The following RAPH1 variants were observed in gnomAD, a reference collection of about 807,000 sequenced individuals.
RAPH1 encodes the protein ras-associated and pleckstrin homology domains-containing protein 1.
A neutral mutation model predicts 88.1 loss-of-function variants in RAPH1; 18 were observed. The observed-to-expected ratio is 0.20, with a 90% confidence interval of 0.14 to 0.30. The LOEUF is 0.30. Among genes scored for constraint, RAPH1 ranks in the 10% least tolerant of loss-of-function variants. The pLI is 1.00. For missense variants in RAPH1, 1,448 were observed against 1,543.2 expected (o/e 0.94, Z 1.03); for synonymous variants, 587 against 559.0 (o/e 1.05, Z -0.71).
intron 1 of RAPH1, among the ~76,000 whole-genome samples, chr2:203,509,636 G>C (rs541981179): frequency 2.6e-5 from 4 of 152,234 alleles, no homozygotes; most frequent in Admixed American, 2.0e-4. Flanking sequence ...ATCCAGATAG[G>C]AGGTATTACT....
intron 10 of RAPH1, among the ~76,000 whole-genome samples, chr2:203,451,243 G>GT (rs1314361775): frequency 6.6e-6 from 1 of 152,140 alleles, no homozygotes; most frequent in Non-Finnish European, 1.5e-5. Flanking sequence ...TAGACACTAT[G>GT]TAAAATATTT....
At chr2:203,531,079 T>A (rs927692395) in intron 1 of RAPH1, among the ~76,000 whole-genome samples, 17 of 151,906 alleles carry the variant, frequency 1.1e-4, no homozygotes, top group African/African-American at 4.1e-4. Flanking sequence ...CAAAAATTAA[T>A]CCCAAATGGA....
At chr2:203,442,581 A>G (rs562536946) in intron 13 of RAPH1, 1 of 152,662 alleles carries the variant, frequency 6.6e-6, no homozygotes, top group South Asian at 2.1e-4. Context: ...ATGTGTTTCC[A>G]GAGAACAACC....
intron 4 of RAPH1, among the ~76,000 whole-genome samples, chr2:203,469,310 A>T (rs2098531156): frequency 6.6e-6 from 1 of 152,222 alleles, no homozygotes; most frequent in Non-Finnish European, 1.5e-5. Context: ...AATTTCTACC[A>T]CCAGTCATAG....
At chr2:203,510,602 C>A (rs1217326892) in intron 1 of RAPH1, among the ~76,000 whole-genome samples, 3 of 152,114 alleles carry the variant, frequency 2.0e-5, no homozygotes, top group African/African-American at 7.2e-5. Context: ...ACTCAAATAC[C>A]TGCAGGGGTC....
chr2:203,529,520 C>T (rs1481562935), intron 1 of RAPH1, among the ~76,000 whole-genome samples: 2 of 152,094 alleles, frequency 1.3e-5, no homozygotes, highest in Admixed American at 6.6e-5. Flanking sequence ...CGCCACCACG[C>T]CCGACTAATT....
intron 9 of RAPH1, 114 bp from the exon 10 acceptor site, chr2:203,454,654 A>C: frequency 1.5e-6 from 1 of 658,810 alleles, no homozygotes; most frequent in Non-Finnish European, 2.6e-6. Context: ...TACTAAATAG[A>C]AATTATTGCT....
At chr2:203,534,386 A>G (rs1690516651) in intron 1 of RAPH1, among the ~76,000 whole-genome samples, 1 of 151,926 alleles carries the variant, frequency 6.6e-6, no homozygotes, top group African/African-American at 2.4e-5. Context: ...AATAAGGTTT[A>G]TGCGGTTTCC....
At chr2:203,522,456 G>A (rs925113241) in intron 1 of RAPH1, among the ~76,000 whole-genome samples, 5 of 152,184 alleles carry the variant, frequency 3.3e-5, no homozygotes, top group African/African-American at 4.8e-5. Flanking sequence ...TAGATTAGAA[G>A]ATGCAATATT....
Position 203,439,988 on chromosome 2 carries a change from G to A in RAPH1, c.3202C>T (p.Pro1068Ser), listed in dbSNP as rs2098501910. ...GGGGGTGGAAAATCAGAATCGGATG[G>A]AGGAGAAGGAAATTCCACCACGGAG... Reference protein sequence around the residue: ...KDSVVEFPSPPSDSDFPPPPP... With the variant: ...KDSVVEFPSPSSDSDFPPPPP... The change falls in exon 14 of 14, where the codon CCA (proline) becomes TCA (serine). Residue 1068 changes from proline (P) to serine (S), a missense_variant. By Grantham distance (74) the Pro-to-Ser change is moderately conservative. Transcript: ENST00000319170. 1 of 1,613,716 alleles carries A rather than the reference G, an allele frequency of 6.2e-7. No individual in the cohort carries two copies. The highest frequency in any genetic ancestry group is 8.5e-7 in the Non-Finnish European group (1 of 1,179,936).
intron 1 of RAPH1, among the ~76,000 whole-genome samples, chr2:203,505,641 T>C (rs906758582): frequency 7.2e-5 from 11 of 152,178 alleles, no homozygotes; most frequent in African/African-American, 2.4e-4. Context: ...CAATATGCCA[T>C]AAAGCATTAT....
Position 203,459,910 on chromosome 2 carries a change from T to C in RAPH1, c.1089A>G (p.Pro363=). The C allele has an allele frequency of 1.2e-6, 2 of 1,612,702 alleles. No homozygotes were observed. The highest frequency in any genetic ancestry group is 1.7e-6 in the Non-Finnish European group (2 of 1,179,484). ...TCTGTAAGTTGTTTGGTCTTACCTG[T>C]GGGTTTTTGAAAAGTGCATATTTTT... ...RIEKYALFKN[P]QNYLLGKKET... The change falls in exon 7 of 14, where the codon CCA becomes CCG. Residue 363 remains proline (P), a synonymous_variant. Transcript: ENST00000319170.
rs567134512 is a variant in RAPH1 at position 203,439,908 on chromosome 2, C to T, written c.3282G>A (p.Ser1094=). ...CTGCCACTTTTGGAGAGGTGTTTCC[C>T]GAGAAAACTGCTGGAATCTCAATGG... ...LPPIEIPAVF[S]GNTSPKVAVV... Residue 1094 remains serine (S), a synonymous_variant, in exon 14 of 14, where the codon TCG becomes TCA. Coordinates refer to ENST00000319170, the MANE Select transcript of RAPH1 (RefSeq NM_213589.3). The T allele has an allele frequency of 2.4e-5, 38 of 1,613,706 alleles. No homozygotes were observed. In the Middle Eastern group the frequency reaches 6.6e-4, roughly 28 times the overall value.
chr2:203,499,101 G>T (rs544088376), intron 1 of RAPH1, among the ~76,000 whole-genome samples: 5 of 152,100 alleles, frequency 3.3e-5, no homozygotes, highest in Non-Finnish European at 5.9e-5. Flanking sequence ...CATTTCTCAG[G>T]AAGTATCTTC....
Position 203,454,523 on chromosome 2 carries a change from C to T in RAPH1, c.1320G>A (p.Val440=), listed in dbSNP as rs759936432. Residue 440 remains valine (V), a synonymous_variant, in exon 10 of 14, where the codon GTG becomes GTA. Transcript: ENST00000319170. ...TGACATGATCCAGCTGGAGAAAGCA[C>T]ACCAGATCCCGAGAGACCTAAGATA... ...KGKAKVSRDL[V]CFLQLDHVNV... 8.7e-6 allele frequency: 14 copies of T among 1,613,142 alleles called. No homozygotes were observed. In the East Asian group the frequency reaches 2.2e-4, roughly 26 times the overall value.
chr2:203,466,591 G>A (rs573201569), intron 4 of RAPH1, among the ~76,000 whole-genome samples: 9 of 152,264 alleles, frequency 5.9e-5, no homozygotes, highest in Middle Eastern at 3.4e-3. Flanking sequence ...CTTATGTTCC[G>A]CTTCCAAAGT....
Position 203,439,534 on chromosome 2 carries a change from C to T in RAPH1, c.3656G>A (p.Gly1219Glu). 6.2e-7 allele frequency: 1 copy of T among 1,614,112 alleles called. No individual in the cohort carries two copies. The highest frequency in any genetic ancestry group is 1.1e-5 in the South Asian group (1 of 91,082). ...LLSDQQKAGY[G>E]GSHISGYATL... is the part of the protein sequence containing the mutation. ...TGCATAGCCTGATATATGACTGCCT[C>T]CGTAACCAGCCTTCTGTTGATCAGA... Residue 1219 changes from glycine to glutamate, a missense_variant, in exon 14 of 14, where the codon GGA becomes GAA. Gly to Glu is a moderately conservative substitution (Grantham distance 98, BLOSUM62 -2). Transcript: ENST00000319170.
intron 1 of RAPH1, among the ~76,000 whole-genome samples, chr2:203,523,122 G>A (rs1024821261): frequency 7.2e-5 from 11 of 151,748 alleles, no homozygotes; most frequent in Admixed American, 1.3e-4. Context: ...GGTCAGGGGC[G>A]GTGGCTCACG....
In RAPH1 at chr2:203,439,869, T is replaced by C; in HGVS notation, c.3321A>G (p.Gln1107=). The change falls in exon 14 of 14, where the codon CAA becomes CAG. Residue 1107 remains glutamine (Q), a synonymous_variant. Transcript: ENST00000319170. ...CTGACATTTTAGACCATTGTTGTGG[T>C]TGAGGATTAACGACTGCCACTTTTG... ...TSPKVAVVNP[Q]PQQWSKMSVK... is the part of the protein sequence containing the mutation. 5 of 1,613,792 alleles carry C rather than the reference T, an allele frequency of 3.1e-6. No individual in the cohort carries two copies. Among genetic ancestry groups the C allele is most frequent in the Non-Finnish European group, 1.7e-6 (2 of 1,179,956 alleles).
Sources: allele counts gnomAD v4.1 joint callset (sites outside exome capture counted in the v4.1 genomes callset), GRCh38; gene constraint gnomAD v4.1.1; transcripts MANE v1.5; gene names NCBI Gene and HGNC (gene_info 2026-07-23, HGNC 2026-07-21).